The following PACRG variants were observed in gnomAD, a reference collection of about 807,000 sequenced individuals.
PACRG encodes the protein parkin coregulated gene protein.
In PACRG, 29 loss-of-function variants were observed where a neutral mutation model predicts 29.7. That is an observed-to-expected ratio of 0.98 (90% CI 0.73 to 1.33). The LOEUF (loss-of-function observed/expected upper bound fraction) is 1.33. Ranked by LOEUF, PACRG falls within the 40% of genes most tolerant of loss-of-function variation. The pLI, the probability that PACRG is intolerant of heterozygous loss-of-function variation, is 0.00. For missense variants in PACRG, 279 were observed against 316.2 expected, an observed-to-expected ratio of 0.88 and a Z score of 0.89; for synonymous variants, 116 against 118.7, an observed-to-expected ratio of 0.98 and a Z score of 0.15.
At chr6:162,932,201 A>G (rs1228514603) in intron 2 of PACRG, among the ~76,000 whole-genome samples, 1 of 152,042 alleles carries the variant, frequency 6.6e-6, no homozygotes, top group Non-Finnish European at 1.5e-5. Flanking sequence ...ATAAAACTCT[A>G]GAAAATATAC....
At chr6:163,058,433 C>A (rs1810782376) in intron 2 of PACRG, among the ~76,000 whole-genome samples, 1 of 152,122 alleles carries the variant, frequency 6.6e-6, no homozygotes, top group Admixed American at 6.5e-5. Flanking sequence ...AACATATTTG[C>A]AATGACAACA....
chr6:162,820,668 G>A (rs1173215409), intron 2 of PACRG, among the ~76,000 whole-genome samples: 1 of 152,068 alleles, frequency 6.6e-6, no homozygotes, highest in Non-Finnish European at 1.5e-5. Context: ...TGCTATATCT[G>A]TTGCCCCTAA....
intron 1 of PACRG, among the ~76,000 whole-genome samples, chr6:162,781,253 G>A (rs1163805694): frequency 1.3e-5 from 2 of 151,950 alleles, no homozygotes; most frequent in Non-Finnish European, 2.9e-5. Flanking sequence ...AAAAAATTAT[G>A]AACCTATAAT....
intron 2 of PACRG, among the ~76,000 whole-genome samples, chr6:163,056,269 C>G (rs1810582857): frequency 6.6e-6 from 1 of 152,170 alleles, no homozygotes; most frequent in Non-Finnish European, 1.5e-5. Flanking sequence ...ACCAGGTGTT[C>G]AAACAAAAAC....
intron 2 of PACRG, among the ~76,000 whole-genome samples, chr6:162,842,628 A>T (rs1313774348): frequency 1.0e-5 from 1 of 96,356 alleles, no homozygotes; most frequent in Non-Finnish European, 1.9e-5. Context: ...TGTGAATTTG[A>T]TCCTGTCATT....
At chr6:163,243,186 C>T (rs1169810042) in intron 4 of PACRG, among the ~76,000 whole-genome samples, 1 of 152,170 alleles carries the variant, frequency 6.6e-6, no homozygotes, top group Admixed American at 6.5e-5. Flanking sequence ...ACTCTGAGTA[C>T]TGAAGCTGTG....
chr6:162,860,976 T>C (rs898204753), intron 2 of PACRG, among the ~76,000 whole-genome samples: 1 of 152,148 alleles, frequency 6.6e-6, no homozygotes, highest in Non-Finnish European at 1.5e-5. Context: ...ACCAAACACA[T>C]CAATACAGAT....
chr6:162,897,402 C>G (rs1038870146), intron 2 of PACRG, among the ~76,000 whole-genome samples: 2 of 152,196 alleles, frequency 1.3e-5, no homozygotes, highest in Non-Finnish European at 2.9e-5. Context: ...AATTTGCACT[C>G]ATCAAGTACC....
At chr6:163,086,289 T>C (rs1040799252) in intron 3 of PACRG, among the ~76,000 whole-genome samples, 1 of 152,236 alleles carries the variant, frequency 6.6e-6, no homozygotes, top group Non-Finnish European at 1.5e-5. Flanking sequence ...TGCAACACGC[T>C]GCGTGCCTTC....
At chr6:163,238,718 C>T (rs1009128849) in intron 4 of PACRG, among the ~76,000 whole-genome samples, 1 of 152,232 alleles carries the variant, frequency 6.6e-6, no homozygotes, top group Non-Finnish European at 1.5e-5. Context: ...CTTTGAATAA[C>T]TCTTCTTTGA....
At chr6:163,275,013 C>T (rs964735190) in intron 4 of PACRG, among the ~76,000 whole-genome samples, 7 of 151,974 alleles carry the variant, frequency 4.6e-5, no homozygotes, top group South Asian at 2.1e-4. Context: ...CAGGCGTGCA[C>T]CACCAGACCC....
chr6:162,763,199 A>T (rs1386154115), intron 1 of PACRG, among the ~76,000 whole-genome samples: 1 of 152,218 alleles, frequency 6.6e-6, no homozygotes, highest in Non-Finnish European at 1.5e-5. Flanking sequence ...TAGAGAGAAC[A>T]TAAAATGATT....
intron 4 of PACRG, among the ~76,000 whole-genome samples, chr6:163,213,075 A>G (rs1781218977): frequency 6.6e-6 from 1 of 152,154 alleles, no homozygotes; most frequent in Non-Finnish European, 1.5e-5. Flanking sequence ...ACCATGCCCA[A>G]CCAGAAACTG....
chr6:162,840,137 A>C, intron 2 of PACRG, among the ~76,000 whole-genome samples: 1 of 96,760 alleles, frequency 1.0e-5, no homozygotes, highest in Non-Finnish European at 2.0e-5. Context: ...GAAGAAAGTC[A>C]TTGGTAGCTT....
At chr6:163,233,667 T>G (rs754282707) in intron 4 of PACRG, among the ~76,000 whole-genome samples, 7 of 152,184 alleles carry the variant, frequency 4.6e-5, no homozygotes, top group Non-Finnish European at 1.0e-4. Context: ...GTGACTTCTT[T>G]GTGTTAGGGG....
intron 2 of PACRG, among the ~76,000 whole-genome samples, chr6:162,916,230 A>G (rs1330983280): frequency 6.6e-6 from 1 of 152,160 alleles, no homozygotes; most frequent in Non-Finnish European, 1.5e-5. Flanking sequence ...TATGACCTTC[A>G]TAGTTTCTGG....
chr6:162,733,175 A>T (rs1448695600), intron 1 of PACRG, among the ~76,000 whole-genome samples: 1 of 152,180 alleles, frequency 6.6e-6, no homozygotes, highest in Non-Finnish European at 1.5e-5. Flanking sequence ...AGAAGCTTAT[A>T]TTTTTGTGGC....
intron 2 of PACRG, among the ~76,000 whole-genome samples, chr6:162,972,468 G>A (rs1801616061): frequency 6.6e-6 from 1 of 152,046 alleles, no homozygotes. Flanking sequence ...ATCTAAATAA[G>A]CAGTGCCCTC....
intron 2 of PACRG, among the ~76,000 whole-genome samples, chr6:162,903,358 G>A (rs1015312937): frequency 1.3e-5 from 2 of 152,050 alleles, no homozygotes; most frequent in African/African-American, 4.8e-5. Flanking sequence ...TAATATTGGG[G>A]AATGTATTAG....
Sources: allele counts gnomAD v4.1 joint callset (sites outside exome capture counted in the v4.1 genomes callset), GRCh38; gene constraint gnomAD v4.1.1; transcripts MANE v1.5; gene names NCBI Gene and HGNC (gene_info 2026-07-23, HGNC 2026-07-21).